The following PGAP6 variants were observed in gnomAD, a reference collection of about 807,000 sequenced individuals.
PGAP6 encodes the protein post-GPI attachment to proteins 6, also known as post-GPI attachment to proteins factor 6.
PGAP6 carries 62 observed loss-of-function variants against 68.4 expected under a neutral mutation model. The observed-to-expected ratio is 0.91, with a 90% CI of 0.74 to 1.12. The LOEUF is 1.12. PGAP6 is among the 50% of genes most tolerant of loss of function. The pLI is 0.00. For missense variants in PGAP6, 1,188 were observed against 1,068.5 expected (o/e 1.11, Z -1.56); for synonymous variants, 575 against 474.0 (o/e 1.21, Z -2.77).
At chr16:381,217 C>T (rs1180553461) in intron 1 of PGAP6, among the ~76,000 whole-genome samples, 1 of 151,988 alleles carries the variant, frequency 6.6e-6, no homozygotes, top group African/African-American at 2.4e-5. Flanking sequence ...GCGGCCGTAC[C>T]AGGGCTGGGG....
Position 376,476 on chromosome 16 carries a change from T to C in PGAP6, c.905-21A>G, listed in dbSNP as rs2071916. The C allele has an allele frequency of 0.57, 883,505 of 1,549,016 alleles. 255,566 individuals carry two copies. The highest frequency in any genetic ancestry group is 0.7 in the South Asian group (56,760 of 81,412). On this transcript the variant is annotated intron_variant, in intron 5 of 12. Coordinates refer to ENST00000431232, the MANE Select transcript of PGAP6 (RefSeq NM_021259.3). ...GCAAGCTGCCGAGAGGACAAGGGGT[T>C]TGGCTGGAGGAAAGTCTGGGGATCT...
chr16:374,092 C>T lies in PGAP6; in HGVS notation c.1815G>A (p.Thr605=), dbSNP rs922946442. 6.2e-6 allele frequency: 10 copies of T among 1,611,802 alleles called. No homozygotes were observed. The highest frequency in any genetic ancestry group is 5.9e-6 in the Non-Finnish European group (7 of 1,179,964). Residue 605 remains threonine, a synonymous_variant, in exon 11 of 13, where the codon ACG becomes ACA. Transcript: ENST00000431232. ...EAVLCILSYD[T]LQYCDFLGSG... is the part of the protein sequence containing the mutation. The stretch of plus-strand genomic sequence containing the variant: ...AGCCCAAGAAGTCGCAGTACTGCAG[C>T]GTGTCGTAGCTGAGGATGCACAGCA...
Position 371,951 on chromosome 16 carries a change from G to C in PGAP6, c.*36C>G. 6.3e-7 allele frequency: 1 copy of C among 1,591,352 alleles called. No individual in the cohort carries two copies. On this transcript the variant is annotated 3_prime_UTR_variant, in exon 13 of 13. Transcript: ENST00000431232. ...CCCCTCGATACAGCTCCTGGCTGAA[G>C]AGGTCATCAGAGCAGCAGCTGTCCC...
In PGAP6 at chr16:381,579, C is replaced by G. The variant is rs531718323; in HGVS notation, c.121+122G>C. ...GCCACTGTGCACCCCCAACCCGCGG[C>G]GGGGACCCCCAACCCCGCGCCGGCG... is the stretch of plus-strand genomic sequence containing the variant. On this transcript the variant is annotated intron_variant, in intron 1 of 12. Transcript: ENST00000431232. 1.0e-4 allele frequency: 80 copies of G among 769,572 alleles called. 1 individual carries two copies. Among genetic ancestry groups the G allele is most frequent in the Middle Eastern group, 1.1e-3 (2 of 1,898 alleles). 47.7% of individuals were successfully genotyped at this position (769,572 alleles called of 1,614,324 possible). A position where few individuals can be genotyped will look rare whatever the true frequency, so the allele number is the denominator to read the frequency against.
In PGAP6 at chr16:376,166, A is replaced by G. The variant is rs377180086; in HGVS notation, c.1194T>C (p.Gly398=). ...LRLNTGMDSG[G]SLTISLRANK... is the part of the protein sequence containing the mutation. ...TGGCCCGCAGGGAGATGGTGAGGGA[A>G]CCCCCGCTGTCCATGCCGGTGTTCA... The change falls in exon 6 of 13, where the codon GGT becomes GGC. Residue 398 remains glycine, a synonymous_variant. Transcript: ENST00000431232. 35 of 1,608,146 alleles carry G rather than the reference A, an allele frequency of 2.2e-5. No individual in the cohort carries two copies. In the African/African-American group the frequency reaches 4.0e-4, roughly 18 times the overall value.
chr16:386,770 T>C (rs767846239), upstream of PGAP6: 1 of 523,570 alleles, frequency 1.9e-6, no homozygotes, highest in Non-Finnish European at 3.5e-6. Context: ...AAGATGGCGC[T>C]GAAAGCAAAG....
intron 6 of PGAP6, 34 bp from the exon 7 acceptor site, chr16:375,469 C>A: frequency 6.3e-7 from 1 of 1,596,026 alleles, no homozygotes; most frequent in Non-Finnish European, 8.6e-7. Context: ...TCAGCTCCAG[C>A]AGCCCCTGGC....
chr16:383,699 T>C (rs1372841650), upstream of PGAP6, among the ~76,000 whole-genome samples: 1 of 152,154 alleles, frequency 6.6e-6, no homozygotes, highest in Non-Finnish European at 1.5e-5. Context: ...GTTTCCTTTG[T>C]GTGTGTCAAA....
intron 3 of PGAP6, 26 bp downstream of exon 3, chr16:377,352 C>A: frequency 6.4e-7 from 1 of 1,565,070 alleles, no homozygotes; most frequent in South Asian, 1.2e-5. Flanking sequence ...TTCTCTGCCT[C>A]CATCCCGGAG....
upstream of PGAP6, among the ~76,000 whole-genome samples, chr16:384,982 G>T (rs1162954957): frequency 6.6e-6 from 1 of 151,810 alleles, no homozygotes; most frequent in East Asian, 1.9e-4. Context: ...GGCCAACATG[G>T]CGAATTATTT....
In PGAP6 at chr16:375,346, T is replaced by C. The variant is rs753674580; in HGVS notation, c.1314A>G (p.Thr438=). Residue 438 remains threonine (T), a splice_region_variant and synonymous_variant, in exon 7 of 13, where the codon ACA becomes ACG. Coordinates refer to ENST00000431232, the MANE Select transcript of PGAP6 (RefSeq NM_021259.3). ...GACGGTGACGCCTGCCCATCATACC[T>C]GTGGTGCAGTTGAGCGAAGTATTGA... ...LGFNTSLNCT[T]AFFQGYPLSL... is the part of the protein sequence containing the mutation. 5.0e-6 allele frequency: 8 copies of C among 1,612,734 alleles called. No homozygotes were observed. In the South Asian group the frequency reaches 7.7e-5, roughly 15 times the overall value.
chr16:377,529 T>C lies in PGAP6; in HGVS notation c.356A>G (p.Asp119Gly), dbSNP rs2054396845. The C allele has an allele frequency of 6.3e-7, 1 of 1,593,158 alleles. No homozygotes were observed. The highest frequency in any genetic ancestry group is 1.3e-5 in the African/African-American group (1 of 74,672). ...VINPLGTSFP[D>G]DTAVQPSFQV... Reference sequence around the variant, plus strand: ...GAAGGAGGGCTGTACCGCGGTGTCGTCCGGGAAGCTGGTGCCCAGCGGGTT... The same window carrying C: ...GAAGGAGGGCTGTACCGCGGTGTCGCCCGGGAAGCTGGTGCCCAGCGGGTT... The change falls in exon 3 of 13, where the codon GAC (aspartate) becomes GGC (glycine). Residue 119 changes from aspartate to glycine, a missense_variant. Physicochemically the swap from Asp to Gly is moderately conservative, Grantham distance 94. Transcript: ENST00000431232.
Position 378,163 on chromosome 16 carries a change from G to GCCACCCGCACTGCCATCC in PGAP6, c.122-333_122-316dup, listed in dbSNP as rs1567325605. On this transcript the variant is annotated intron_variant, in intron 1 of 12. Coordinates refer to ENST00000431232, the MANE Select transcript of PGAP6 (RefSeq NM_021259.3). ...AGCCATCGCCACCCTGACTGCCATC[G>GCCACCCGCACTGCCATCC]CCACCCGCACTGCCATCCCCACCCG... Among the ~76,000 whole-genome samples the GCCACCCGCACTGCCATCC allele has an allele frequency of 6.8e-5, 7 of 102,780 alleles. 1 individual carries two copies. Among genetic ancestry groups the GCCACCCGCACTGCCATCC allele is most frequent in the African/African-American group, 2.3e-4 (6 of 25,550 alleles). 67.4% of individuals were successfully genotyped at this position (102,780 alleles called of 152,430 possible).
At position 374,899 on chromosome 16, in the gene PGAP6, G is replaced by A. The variant is rs764337703; in HGVS notation, c.1440-7C>T. The A allele has an allele frequency of 1.2e-6, 2 of 1,612,670 alleles. No individual in the cohort carries two copies. Among genetic ancestry groups the A allele is most frequent in the Middle Eastern group, 1.7e-4 (1 of 6,056 alleles). On this transcript the variant is annotated splice_polypyrimidine_tract_variant and splice_region_variant and intron_variant, in intron 8 of 12. Transcript: ENST00000431232. ...CACAGCCTGCTCACAGTCCCTTTGAGGAAGGGGCCACAGGAAAGCTGGTGC... is the reference window on the plus strand; with the variant it reads ...CACAGCCTGCTCACAGTCCCTTTGAAGAAGGGGCCACAGGAAAGCTGGTGC...
upstream of PGAP6, chr16:382,058 A>G (rs1268460575): frequency 6.8e-6 from 3 of 442,736 alleles, no homozygotes; most frequent in Non-Finnish European, 9.6e-6. Flanking sequence ...GGGGGCGCGG[A>G]CGCCGGGGGG....
At chr16:382,483 T>C, upstream of PGAP6, 1 of 370,708 alleles carries the variant, frequency 2.7e-6, no homozygotes, top group East Asian at 3.9e-5. Context: ...TGCAGGTGCG[T>C]GTCAGATCCA....
rs11649031 is a variant in PGAP6, at chr16:377,516, T to C, written c.369A>G (p.Val123=). The change falls in exon 3 of 13, where the codon GTA becomes GTG. Residue 123 remains valine, a synonymous_variant. Coordinates refer to ENST00000431232, the MANE Select transcript of PGAP6 (RefSeq NM_021259.3). Reference sequence around the variant, plus strand: ...GCACCCCGACCTGGAAGGAGGGCTGTACCGCGGTGTCGTCCGGGAAGCTGG... The same window carrying C: ...GCACCCCGACCTGGAAGGAGGGCTGCACCGCGGTGTCGTCCGGGAAGCTGG... The part of the protein sequence containing the change: ...LGTSFPDDTA[V]QPSFQVGVPL... The C allele has an allele frequency of 0.58, 923,579 of 1,597,094 alleles. 271,340 individuals carry two copies. Among genetic ancestry groups the C allele is most frequent in the African/African-American group, 0.73 (54,953 of 74,814 alleles).
chr16:375,299 G>C, intron 7 of PGAP6, 43 bp from the exon 8 acceptor site: 3 of 1,612,396 alleles, frequency 1.9e-6, no homozygotes, highest in Non-Finnish European at 2.5e-6. Context: ...GGCCGGGGCG[G>C]GGGGCTGGCC....
rs746343453 is a variant in PGAP6, at chr16:376,469, A to G, written c.905-14T>C. On this transcript the variant is annotated splice_polypyrimidine_tract_variant and intron_variant, in intron 5 of 12. Coordinates refer to ENST00000431232, the MANE Select transcript of PGAP6 (RefSeq NM_021259.3). ...GTGGCCTGCAAGCTGCCGAGAGGACAAGGGGTTTGGCTGGAGGAAAGTCTG... is the reference window on the plus strand; with the variant it reads ...GTGGCCTGCAAGCTGCCGAGAGGACGAGGGGTTTGGCTGGAGGAAAGTCTG... 4 of 1,555,720 alleles carry G rather than the reference A, an allele frequency of 2.6e-6. No individual in the cohort carries two copies. Among genetic ancestry groups the G allele is most frequent in the Non-Finnish European group, 3.5e-6 (4 of 1,148,782 alleles).
Sources: allele counts gnomAD v4.1 joint callset (sites outside exome capture counted in the v4.1 genomes callset), GRCh38; gene constraint gnomAD v4.1.1; transcripts MANE v1.5; gene names NCBI Gene and HGNC (gene_info 2026-07-23, HGNC 2026-07-21).